The following ADCY10 variants were observed in gnomAD, a reference collection of about 807,000 sequenced individuals.
The protein encoded by ADCY10 is adenylate cyclase 10, also known as adenylate cyclase type 10.
Under a neutral mutation model 183.3 loss-of-function variants are expected in ADCY10, and 156 were observed. The ratio of observed to expected loss-of-function variants is 0.85; its 90% CI spans 0.75 to 0.97. The LOEUF is 0.97. Ranked by LOEUF, ADCY10 falls within the 50% of genes least tolerant of loss-of-function variation. The pLI is 0.00. For missense variants in ADCY10, 1,745 were observed against 1,934.3 expected (o/e 0.90, Z 1.84); for synonymous variants, 645 against 670.0 (o/e 0.96, Z 0.58).
intron 11 of ADCY10, 22 bp from the exon 12 acceptor site, chr1:167,878,657 CAAAGAT>C: frequency 2.5e-6 from 4 of 1,609,764 alleles, no homozygotes; most frequent in Non-Finnish European, 1.7e-6. Context: ...AAGAGAAAGT[CAAAGAT>C]CAGGGAAATA....
At chr1:167,827,094 T>A (rs1200123340) in intron 26 of ADCY10, among the ~76,000 whole-genome samples, 1 of 151,932 alleles carries the variant, frequency 6.6e-6, no homozygotes, top group Non-Finnish European at 1.5e-5. Flanking sequence ...CAGTAGCTCC[T>A]TGGTGCTACT....
intron 31 of ADCY10, among the ~76,000 whole-genome samples, chr1:167,811,261 C>G (rs1461603550): frequency 6.6e-6 from 1 of 152,090 alleles, no homozygotes; most frequent in Non-Finnish European, 1.5e-5. Flanking sequence ...ATGTAAGGAG[C>G]TTGGAAATAA....
intron 31 of ADCY10, among the ~76,000 whole-genome samples, chr1:167,815,334 T>G (rs1166449479): frequency 6.6e-6 from 1 of 152,134 alleles, no homozygotes; most frequent in Non-Finnish European, 1.5e-5. Context: ...CTAAACAAGG[T>G]GTGCCCTCAG....
intron 16 of ADCY10, 76 bp downstream of exon 16, chr1:167,859,731 C>T: frequency 1.8e-6 from 2 of 1,106,402 alleles, no homozygotes; most frequent in Non-Finnish European, 1.4e-6. Context: ...GTGGTCTGAA[C>T]TCCTCAAACC....
chr1:167,880,050 C>T, intron 11 of ADCY10, 65 bp downstream of exon 11: 1 of 1,436,572 alleles, frequency 7.0e-7, no homozygotes, highest in Non-Finnish European at 9.7e-7. Context: ...CTTCCTCCCG[C>T]AAAGCCCAGT....
At chr1:167,812,601 C>T (rs1325032096) in intron 31 of ADCY10, among the ~76,000 whole-genome samples, 2 of 151,984 alleles carry the variant, frequency 1.3e-5, no homozygotes, top group African/African-American at 2.4e-5. Flanking sequence ...ATAATAACAA[C>T]AAAAAGGCAT....
chr1:167,840,974 T>TCTGTC (rs1664593192), intron 21 of ADCY10, among the ~76,000 whole-genome samples: 1 of 151,204 alleles, frequency 6.6e-6, no homozygotes, highest in Non-Finnish European at 1.5e-5. Context: ...AGGGCCTTGT[T>TCTGTC]CTGTCGCTCA....
rs1663856196 is a variant in ADCY10, at chr1:167,832,876, G to A, written c.3593+111C>T. The A allele has an allele frequency of 3.5e-6, 4 of 1,137,746 alleles. No individual in the cohort carries two copies. In the Admixed American group the frequency reaches 5.6e-5, roughly 16 times the overall value. The allele number at this position is 1,137,746 out of a possible 1,614,324, so 70.5% of individuals were successfully genotyped here. A position where few individuals can be genotyped will look rare whatever the true frequency, so the allele number is the denominator to read the frequency against. On this transcript the variant is annotated intron_variant, in intron 25 of 32. Transcript: ENST00000367851. ...CCCAGTGAATGGTCAGAGCCAAACA[G>A]GAGTCCTTGTGCCCCCTGGAGGCCA...
intron 16 of ADCY10, 29 bp from the exon 17 acceptor site, chr1:167,856,468 A>C (rs112299806): frequency 1.2e-6 from 2 of 1,613,552 alleles, no homozygotes; most frequent in East Asian, 4.5e-5. Flanking sequence ...GAGAAAGAGA[A>C]ACACCATAGG....
Position 167,845,551 on chromosome 1 carries a change from GA to G in ADCY10, c.3007+11del. The stretch of plus-strand genomic sequence containing the variant: ...AGAACAGTTAGGATAATTTTAAAAT[GA>G]AGTAGGTTACTTTTAAATCCATGAG... On this transcript the variant is annotated intron_variant, in intron 21 of 32. Coordinates refer to ENST00000367851, the MANE Select transcript of ADCY10 (RefSeq NM_018417.6). 6.2e-7 allele frequency: 1 copy of G among 1,613,070 alleles called. No homozygotes were observed. Among genetic ancestry groups the G allele is most frequent in the South Asian group, 1.1e-5 (1 of 91,014 alleles).
intron 21 of ADCY10, among the ~76,000 whole-genome samples, chr1:167,841,084 G>A (rs1664599950): frequency 6.6e-6 from 1 of 151,854 alleles, no homozygotes; most frequent in Non-Finnish European, 1.5e-5. Context: ...GGGGCTACAG[G>A]CACCTGCCAC....
At chr1:167,875,097 A>C (rs757878159) in intron 13 of ADCY10, 34 bp downstream of exon 13, 3 of 1,587,682 alleles carry the variant, frequency 1.9e-6, no homozygotes, top group Middle Eastern at 1.7e-4. Context: ...TTTTAGTTCA[A>C]TAAAGAAGTT....
chr1:167,842,414 G>T (rs1327721242), intron 21 of ADCY10, among the ~76,000 whole-genome samples: 1 of 152,114 alleles, frequency 6.6e-6, no homozygotes, highest in African/African-American at 2.4e-5. Context: ...TTCCACCTCA[G>T]CTTCCCAAAG....
At chr1:167,913,339 G>A (rs1670271726) in intron 1 of ADCY10, among the ~76,000 whole-genome samples, 1 of 152,158 alleles carries the variant, frequency 6.6e-6, no homozygotes, top group Non-Finnish European at 1.5e-5. Context: ...CTCTCCTCTA[G>A]AATTTCCTAA....
intron 13 of ADCY10, among the ~76,000 whole-genome samples, chr1:167,871,395 C>A (rs984498974): frequency 6.6e-6 from 1 of 152,118 alleles, no homozygotes; most frequent in Non-Finnish European, 1.5e-5. Context: ...CTAACATATG[C>A]TTGCTGTAGA....
At position 167,856,269 on chromosome 1, in the gene ADCY10, G is replaced by A; in HGVS notation, c.2067C>T (p.Asn689=). 6 of 1,613,988 alleles carry A rather than the reference G, an allele frequency of 3.7e-6. No homozygotes were observed. Among genetic ancestry groups the A allele is most frequent in the Non-Finnish European group, 4.2e-6 (5 of 1,179,902 alleles). Residue 689 remains asparagine (N), a synonymous_variant, in exon 17 of 33, where the codon AAC becomes AAT. Transcript: ENST00000367851. ...CAATGACAATGTAGGTGGTGTTCCT[G>A]TTCTTTATTACGGCCCTGGCAGCTG... ...PCAAARAVIK[N]RNTTYIVIGA...
At chr1:167,905,789 G>A (rs1028455628) in intron 1 of ADCY10, among the ~76,000 whole-genome samples, 5 of 151,936 alleles carry the variant, frequency 3.3e-5, no homozygotes, top group Non-Finnish European at 5.9e-5. Flanking sequence ...AAGACCTTAA[G>A]CTGTAAATGG....
chr1:167,824,510 A>T lies in ADCY10; in HGVS notation c.4018T>A (p.Cys1340Ser). Residue 1340 changes from cysteine to serine, a missense_variant, in exon 28 of 33, where the codon TGC (cysteine) becomes AGC (serine). Physicochemically the swap from Cys to Ser is moderately radical, Grantham distance 112 (BLOSUM62 -1). Transcript: ENST00000367851. ...AGAAGGAGACATCTGCTAAGTCTGC[A>T]GAGGGACTGATAATGTCGGTTGGGA... ...QNPNRHYQSLCRLSRCLLLNS... is the reference protein window; with the variant it reads ...QNPNRHYQSLSRLSRCLLLNS... 1.2e-6 allele frequency: 2 copies of T among 1,614,232 alleles called. No homozygotes were observed. Among genetic ancestry groups the T allele is most frequent in the Non-Finnish European group, 1.7e-6 (2 of 1,180,036 alleles).
At chr1:167,880,314 TG>T in intron 10 of ADCY10, 123 bp from the exon 11 acceptor site, 1 of 1,050,156 alleles carries the variant, frequency 9.5e-7, no homozygotes, top group Non-Finnish European at 1.5e-6. Flanking sequence ...CTCTACCCGT[TG>T]GAATTAGTTT....
Sources: gnomAD v4.1 joint callset for allele counts (sites outside exome capture counted in the v4.1 genomes callset) on GRCh38, gnomAD v4.1.1 for gene constraint, MANE v1.5 for transcripts, NCBI Gene and HGNC (gene_info 2026-07-23, HGNC 2026-07-21) for gene names.